Variants in DST observed in about 807,000 individuals in gnomAD.
DST encodes the protein dystonin, also known as bullous pemphigoid antigen.
In DST, 253 loss-of-function variants were observed where a neutral mutation model predicts 875.2. The observed-to-expected ratio is 0.29, with a 90% CI of 0.26 to 0.32. The LOEUF is 0.32. Among genes scored for constraint, DST ranks in the 10% least tolerant of loss-of-function variants. The pLI is 1.00. For missense variants in DST, 8,287 were observed against 9,111.6 expected, an observed-to-expected ratio of 0.91 and a Z score of 3.68; for synonymous variants, 3,124 against 3,197.1, an observed-to-expected ratio of 0.98 and a Z score of 0.77.
chr6:56,845,349 T>G (rs990556155), intron 4 of DST, among the ~76,000 whole-genome samples: 2 of 152,102 alleles, frequency 1.3e-5, no homozygotes, highest in African/African-American at 4.8e-5. Context: ...GATGAGTTCC[T>G]CTTGAAAGAA....
intron 35 of DST, 94 bp from the exon 36 acceptor site, chr6:56,624,722 T>C: frequency 1.2e-6 from 1 of 809,386 alleles, no homozygotes; most frequent in South Asian, 1.4e-5. Flanking sequence ...AACTAGGCCT[T>C]CAGACAGCAA....
At chr6:56,582,651 T>A (rs2098035431) in intron 49 of DST, among the ~76,000 whole-genome samples, 1 of 151,846 alleles carries the variant, frequency 6.6e-6, no homozygotes, top group African/African-American at 2.4e-5. Context: ...ATGTGCAGGT[T>A]AGTTACATAT....
chr6:56,921,990 C>T (rs1007744859), intron 2 of DST, among the ~76,000 whole-genome samples: 6 of 152,094 alleles, frequency 3.9e-5, no homozygotes, highest in Non-Finnish European at 8.8e-5. Context: ...TATTATATTG[C>T]TGTTTACGAA....
At chr6:56,575,713 T>C (rs1483801838) in intron 50 of DST, among the ~76,000 whole-genome samples, 1 of 152,148 alleles carries the variant, frequency 6.6e-6, no homozygotes, top group Non-Finnish European at 1.5e-5. Flanking sequence ...GCTCTTGACA[T>C]AGAGTTCCTA....
At chr6:56,677,643 T>A (rs1207550399) in intron 9 of DST, among the ~76,000 whole-genome samples, 1 of 152,314 alleles carries the variant, frequency 6.6e-6, no homozygotes, top group Middle Eastern at 3.4e-3. Flanking sequence ...GTAGTATTGC[T>A]TCCTAAAGCT....
chr6:56,696,130 T>C (rs2099262240), intron 9 of DST, among the ~76,000 whole-genome samples: 1 of 152,214 alleles, frequency 6.6e-6, no homozygotes, highest in Non-Finnish European at 1.5e-5. Flanking sequence ...CAATGGATTC[T>C]AGAACACTAT....
At chr6:56,827,506 C>CA (rs779051829) in intron 4 of DST, among the ~76,000 whole-genome samples, 1,133 of 57,720 alleles carry the variant, frequency 0.02, 28 homozygotes, top group Middle Eastern at 0.065. Context: ...GACTCCGTCT[C>CA]AAAAAAAAAA....
At chr6:56,899,214 C>T (rs1056336787) in intron 3 of DST, among the ~76,000 whole-genome samples, 1 of 152,172 alleles carries the variant, frequency 6.6e-6, no homozygotes, top group African/African-American at 2.4e-5. Context: ...CTGTATGTCC[C>T]TTATTTTCTA....
chr6:56,897,373 C>T (rs1192294000), intron 3 of DST, among the ~76,000 whole-genome samples: 1 of 151,462 alleles, frequency 6.6e-6, no homozygotes, highest in Non-Finnish European at 1.5e-5. Context: ...ACTCTATTGC[C>T]AAGGCTGGAG....
intron 2 of DST, among the ~76,000 whole-genome samples, chr6:56,938,570 GCAAAC>G: frequency 6.6e-6 from 1 of 152,126 alleles, no homozygotes; most frequent in East Asian, 1.9e-4. Flanking sequence ...GCAGACAGTA[GCAAAC>G]CAAAAATAAA....
rs551077780 is a variant in DST at position 56,606,674 on chromosome 6, C to T, written c.7954G>A (p.Ala2652Thr). 2.1e-5 allele frequency: 34 copies of T among 1,613,556 alleles called. No homozygotes were observed. The African/African-American group carries it at 3.2e-4, about 15-fold the overall frequency. Residue 2652 changes from alanine to threonine, a missense_variant, in exon 40 of 104, where the codon GCT (alanine) becomes ACT (threonine). This residue lies in a region of DST where 3,138 missense variants were observed against 3,116.6 expected (regional missense o/e 1.01). Coordinates refer to ENST00000680361, the MANE Select transcript of DST (RefSeq NM_001374736.1). ...TCATAAAAAACATCAGCAGGAGAAG[C>T]CGTCTCATCATTTTCCTCTTGCAGT... ...DTLQEENDET[A>T]SPADVFYDVS...
chr6:56,641,937 GC>G lies in DST; in HGVS notation c.2027+9del. 1 of 1,590,162 alleles carries G rather than the reference GC, an allele frequency of 6.3e-7. No individual in the cohort carries two copies. Among genetic ancestry groups the G allele is most frequent in the Non-Finnish European group, 8.6e-7 (1 of 1,167,786 alleles). Reference sequence around the variant, plus strand: ...AAAAAGGACAGAGAAAGAATAAGTAGCACTCTTACCTCTGTACCAATTGATC... The same window carrying G: ...AAAAAGGACAGAGAAAGAATAAGTAGACTCTTACCTCTGTACCAATTGATC... On this transcript the variant is annotated intron_variant, in intron 17 of 103. Transcript: ENST00000680361.
intron 9 of DST, among the ~76,000 whole-genome samples, chr6:56,682,004 C>T (rs766373108): frequency 2.6e-5 from 4 of 152,166 alleles, no homozygotes; most frequent in Non-Finnish European, 4.4e-5. Context: ...TTTCAAAAAA[C>T]CTATTTTGGC....
rs772763046 is a variant in DST at position 56,508,710 on chromosome 6, A to C, written c.19058T>G (p.Ile6353Arg). ...LDQMVFIWEN[I>R]HTLVEEREAK... ...TTCCCTCTCTTCCACCAGTGTGTGTATGTTCTCCCAAATGAAAACCATTTG... is the reference window on the plus strand; with the variant it reads ...TTCCCTCTCTTCCACCAGTGTGTGTCTGTTCTCCCAAATGAAAACCATTTG... The change falls in exon 75 of 104, where the codon ATA becomes AGA. Residue 6353 changes from isoleucine (I) to arginine (R), a missense_variant. By Grantham distance (97) the Ile-to-Arg change is moderately conservative. Around this residue, in one of 10 missense-constraint regions of DST, gnomAD observed 1,292 missense variants for 1,552.7 expected, o/e 0.83. Transcript: ENST00000680361. 3 of 1,613,732 alleles carry C rather than the reference A, an allele frequency of 1.9e-6. No homozygotes were observed. The Admixed American group carries it at 5.0e-5, about 27-fold the overall frequency.
At chr6:56,537,044 T>C (rs1179623984) in intron 61 of DST, 104 bp from the exon 62 acceptor site, 2 of 989,338 alleles carry the variant, frequency 2.0e-6, no homozygotes, top group Admixed American at 2.4e-5. Context: ...CCATCAATTA[T>C]TACAGAGGTA....
At chr6:56,598,427 G>C (rs370804871) in intron 46 of DST, 49 bp downstream of exon 46, 1 of 1,117,972 alleles carries the variant, frequency 8.9e-7, no homozygotes, top group African/African-American at 1.6e-5. Flanking sequence ...TCAAGTAGCT[G>C]TTAAGCTTTT....
At chr6:56,582,256 A>G (rs923637543) in intron 49 of DST, among the ~76,000 whole-genome samples, 3 of 152,198 alleles carry the variant, frequency 2.0e-5, no homozygotes, top group Non-Finnish European at 4.4e-5. Flanking sequence ...GCAATCCTCA[A>G]TGTTCAAGGG....
chr6:56,929,480 A>T (rs1275873536), intron 2 of DST, among the ~76,000 whole-genome samples: 1 of 152,172 alleles, frequency 6.6e-6, no homozygotes, highest in African/African-American at 2.4e-5. Context: ...CCATATAAAA[A>T]GGGTAAAATA....
intron 49 of DST, 73 bp downstream of exon 49, chr6:56,592,109 T>C: frequency 3.6e-6 from 5 of 1,385,022 alleles, no homozygotes; most frequent in Non-Finnish European, 5.0e-6. Flanking sequence ...GCTGAAACTA[T>C]CACAAAAGTG....
Sources: allele counts gnomAD v4.1 joint callset (sites outside exome capture counted in the v4.1 genomes callset), GRCh38; gene constraint gnomAD v4.1.1; regional missense constraint gnomAD v4.1.1; transcripts MANE v1.5; gene names NCBI Gene and HGNC (gene_info 2026-07-23, HGNC 2026-07-21).